Variants in KANSL1 observed in about 807,000 individuals in gnomAD.
The protein encoded by KANSL1 is MLL1/MLL complex subunit KANSL1.
Under a neutral mutation model 103.6 loss-of-function variants are expected in KANSL1, and 22 were observed. The ratio of observed to expected loss-of-function variants is 0.21; its 90% CI spans 0.15 to 0.30. KANSL1 has a LOEUF of 0.30. Ranked by LOEUF, KANSL1 falls within the 10% of genes least tolerant of loss-of-function variation. KANSL1 has a pLI of 1.00. For missense variants in KANSL1, 1,337 were observed against 1,399.8 expected (o/e 0.96, Z 0.72); for synonymous variants, 600 against 527.6 (o/e 1.14, Z -1.88).
intron 2 of KANSL1, among the ~76,000 whole-genome samples, chr17:46,137,807 C>T (rs1371568120): frequency 2.0e-5 from 3 of 149,670 alleles, no homozygotes; most frequent in Non-Finnish European, 4.4e-5. Context: ...GTGGAGCTTG[C>T]AGTGAGCCAA....
At chr17:46,086,188 C>G (rs2079156574) in intron 3 of KANSL1, among the ~76,000 whole-genome samples, 1 of 150,142 alleles carries the variant, frequency 6.7e-6, no homozygotes, top group Non-Finnish European at 1.5e-5. Flanking sequence ...AGGACGCAGT[C>G]AGTATTTTCC....
At chr17:46,082,090 A>C (rs1464587909) in intron 4 of KANSL1, among the ~76,000 whole-genome samples, 1 of 152,154 alleles carries the variant, frequency 6.6e-6, no homozygotes, top group Admixed American at 6.5e-5. Context: ...TTTTAATGAA[A>C]AGGCTATAAT....
Position 46,208,936 on chromosome 17 carries a change from C to T in KANSL1, c.-90+14735G>A, listed in dbSNP as rs1373956009. Reference sequence around the variant, plus strand: ...CTGTAATCCCAGCACTTTGGGAGGCCGAGTGGGGCGGATCATTTGAGGTCA... The same window carrying T: ...CTGTAATCCCAGCACTTTGGGAGGCTGAGTGGGGCGGATCATTTGAGGTCA... On this transcript the variant is annotated intron_variant, in intron 1 of 14. Transcript: ENST00000572904. Among the ~76,000 whole-genome samples the T allele has an allele frequency of 1.4e-4, 21 of 152,018 alleles. 1 individual carries two copies. The highest frequency in any genetic ancestry group is 2.4e-5 in the African/African-American group (1 of 41,364).
chr17:46,087,725 A>T (rs190902500), intron 3 of KANSL1, among the ~76,000 whole-genome samples: 1 of 152,292 alleles, frequency 6.6e-6, no homozygotes, highest in African/African-American at 2.4e-5. Flanking sequence ...ATATATTTTG[A>T]GCTATACTTA....
intron 2 of KANSL1, among the ~76,000 whole-genome samples, chr17:46,124,329 C>A (rs2043419978): frequency 6.6e-6 from 1 of 152,226 alleles, no homozygotes; most frequent in South Asian, 2.1e-4. Flanking sequence ...CTGTTGACAG[C>A]ATGTTTTACT....
chr17:46,100,156 A>G (rs2146999765), intron 2 of KANSL1, among the ~76,000 whole-genome samples: 1 of 152,300 alleles, frequency 6.6e-6, no homozygotes, highest in South Asian at 2.1e-4. Flanking sequence ...TTTGTTTCAC[A>G]CTGCTTTTGA....
At chr17:46,160,207 TA>T (rs2045656953) in intron 2 of KANSL1, among the ~76,000 whole-genome samples, 1 of 152,186 alleles carries the variant, frequency 6.6e-6, no homozygotes, top group Non-Finnish European at 1.5e-5. Context: ...GATCAATAAA[TA>T]CTAATTCCTT....
intron 6 of KANSL1, among the ~76,000 whole-genome samples, chr17:46,061,822 T>C (rs2078167180): frequency 6.6e-6 from 1 of 152,136 alleles, no homozygotes; most frequent in Non-Finnish European, 1.5e-5. Context: ...CCGGGCGCGG[T>C]GGCTCACGCC....
chr17:46,166,478 C>G (rs1017454728), intron 2 of KANSL1, among the ~76,000 whole-genome samples: 6 of 151,876 alleles, frequency 4.0e-5, no homozygotes, highest in Admixed American at 6.6e-5. Context: ...CGCCACTGCA[C>G]TCCAGCCTGG....
chr17:46,109,828 C>T (rs1003966528), intron 2 of KANSL1, among the ~76,000 whole-genome samples: 9 of 152,236 alleles, frequency 5.9e-5, no homozygotes, highest in Non-Finnish European at 1.2e-4. Flanking sequence ...GCCCTTACAT[C>T]TAATGACAAA....
At chr17:46,174,395 G>A (rs1310559289) in intron 1 of KANSL1, among the ~76,000 whole-genome samples, 1 of 152,204 alleles carries the variant, frequency 6.6e-6, no homozygotes, top group Non-Finnish European at 1.5e-5. Flanking sequence ...ATGTTGGCCA[G>A]GATGGTCACA....
upstream of KANSL1, chr17:46,193,869 A>C (rs1437778100): frequency 1.2e-5 from 2 of 162,918 alleles, no homozygotes; most frequent in East Asian, 3.8e-4. Flanking sequence ...AACTGTTTGC[A>C]CTGTGTAGTA....
intron 6 of KANSL1, among the ~76,000 whole-genome samples, chr17:46,057,117 T>TA: frequency 6.6e-6 from 1 of 151,784 alleles, no homozygotes; most frequent in East Asian, 1.9e-4. Flanking sequence ...ACAAAAAAAA[T>TA]AAAAATTAAT....
intron 2 of KANSL1, among the ~76,000 whole-genome samples, chr17:46,143,232 T>G (rs1407246510): frequency 2.6e-5 from 4 of 152,242 alleles, no homozygotes; most frequent in Non-Finnish European, 4.4e-5. Context: ...AGCAGTTCTG[T>G]AGAAGTCATT....
At chr17:46,100,690 G>T (rs1473139468) in intron 2 of KANSL1, among the ~76,000 whole-genome samples, 1 of 152,208 alleles carries the variant, frequency 6.6e-6, no homozygotes, top group African/African-American at 2.4e-5. Flanking sequence ...AACACCACAT[G>T]TTGACTACCA....
chr17:46,198,795 T>A (rs2047700730), upstream of KANSL1, among the ~76,000 whole-genome samples: 1 of 152,230 alleles, frequency 6.6e-6, no homozygotes, highest in Admixed American at 6.5e-5. Context: ...TAGATAACAC[T>A]ATATATAAAA....
chr17:46,141,993 A>G (rs1208587759), intron 2 of KANSL1, among the ~76,000 whole-genome samples: 1 of 152,204 alleles, frequency 6.6e-6, no homozygotes, highest in Non-Finnish European at 1.5e-5. Context: ...GGTTCAAGCG[A>G]TTCTCCAGCC....
At chr17:46,101,463 T>C (rs540970530) in intron 2 of KANSL1, among the ~76,000 whole-genome samples, 33 of 152,128 alleles carry the variant, frequency 2.2e-4, no homozygotes, top group Non-Finnish European at 4.3e-4. Flanking sequence ...AGAATAACAA[T>C]TTAGTCAGCT....
chr17:46,118,740 G>A (rs2147167850), intron 2 of KANSL1, among the ~76,000 whole-genome samples: 1 of 152,324 alleles, frequency 6.6e-6, no homozygotes, highest in East Asian at 1.9e-4. Flanking sequence ...CATTAATGGG[G>A]GAGGGAGGCA....
Sources: allele counts gnomAD v4.1 joint callset (sites outside exome capture counted in the v4.1 genomes callset), GRCh38; gene constraint gnomAD v4.1.1; transcripts MANE v1.5; gene names NCBI Gene and HGNC (gene_info 2026-07-23, HGNC 2026-07-21).